The following RGL3 variants were observed in gnomAD, a reference collection of about 807,000 sequenced individuals.
RGL3 encodes ral guanine nucleotide dissociation stimulator-like 3.
In RGL3, 85 loss-of-function variants were observed where a neutral mutation model predicts 90.6. The observed-to-expected ratio is 0.94, with a 90% confidence interval of 0.79 to 1.12. The LOEUF (loss-of-function observed/expected upper bound fraction) is 1.12, where lower values mean the gene tolerates loss of function less well. Among genes scored for constraint, RGL3 ranks in the 50% most tolerant of loss-of-function variants. The pLI, the probability that RGL3 is intolerant of heterozygous loss-of-function variation, is 0.00. For missense variants in RGL3, 1,034 were observed against 939.2 expected, an observed-to-expected ratio of 1.10 and a Z score of -1.32; for synonymous variants, 408 against 385.5, an observed-to-expected ratio of 1.06 and a Z score of -0.68.
chr19:11,405,019 G>T, intron 9 of RGL3, 128 bp downstream of exon 9: 1 of 799,092 alleles, frequency 1.3e-6, no homozygotes, highest in Non-Finnish European at 2.2e-6. Flanking sequence ...ACAAGGATAA[G>T]GTCATTGCTG....
chr19:11,406,309 C>T, intron 7 of RGL3, 110 bp downstream of exon 7: 2 of 1,137,598 alleles, frequency 1.8e-6, no homozygotes, highest in East Asian at 5.2e-5. Context: ...CAACTTTCCA[C>T]CCCGTTCCCT....
At chr19:11,413,487 AT>A (rs1968906224) in intron 5 of RGL3, among the ~76,000 whole-genome samples, 1 of 138,228 alleles carries the variant, frequency 7.2e-6, no homozygotes, top group African/African-American at 2.7e-5. Flanking sequence ...GTGTGCCGAG[AT>A]GGCGCCACTG....
At chr19:11,415,892 A>G in intron 5 of RGL3, 45 bp downstream of exon 5, 1 of 1,511,456 alleles carries the variant, frequency 6.6e-7, no homozygotes, top group Non-Finnish European at 9.0e-7. Context: ...AGAAGCAGAC[A>G]GGAAAGGCCT....
chr19:11,397,085 T>C (rs1968586786), intron 18 of RGL3, among the ~76,000 whole-genome samples, 159 bp downstream of exon 18: 1 of 152,122 alleles, frequency 6.6e-6, no homozygotes. Flanking sequence ...AGGTATTTTA[T>C]GTCCTCTTAC....
intron 16 of RGL3, among the ~76,000 whole-genome samples, chr19:11,398,597 C>T (rs770173281): frequency 2.0e-5 from 3 of 152,132 alleles, no homozygotes; most frequent in South Asian, 4.1e-4. Context: ...CCACTGGCCT[C>T]GGCCTCCCAA....
Position 11,405,394 on chromosome 19 carries a change from C to G in RGL3, c.1029G>C (p.Leu343Phe). ...RCRELRNFSS[L>F]RAILSALQSN... ...ATTGCAGGGCGGACAGGATGGCGCG[C>G]AAGGAGGAGAAGTTCCGCAGTTCTC... Residue 343 changes from leucine to phenylalanine, a missense_variant, in exon 8 of 19, where the codon TTG becomes TTC. Leu to Phe is a conservative substitution (Grantham distance 22, BLOSUM62 0). Transcript: ENST00000380456. 1 of 1,600,146 alleles carries G rather than the reference C, an allele frequency of 6.2e-7. No homozygotes were observed. Among genetic ancestry groups the G allele is most frequent in the Non-Finnish European group, 8.5e-7 (1 of 1,174,466 alleles).
chr19:11,405,945 G>T (rs890140161), intron 7 of RGL3, among the ~76,000 whole-genome samples: 2 of 150,076 alleles, frequency 1.3e-5, no homozygotes, highest in Non-Finnish European at 3.0e-5. Flanking sequence ...GCCTAGGCTG[G>T]TCTCAAACTC....
At chr19:11,403,336 A>G (rs918400670) in intron 9 of RGL3, among the ~76,000 whole-genome samples, 1 of 146,944 alleles carries the variant, frequency 6.8e-6, no homozygotes, top group Non-Finnish European at 1.5e-5. Flanking sequence ...TGCCCGGCCA[A>G]AAAAATTTTT....
chr19:11,410,143 A>T lies in RGL3; in HGVS notation c.638-3279T>A, dbSNP rs1230487167. Among the ~76,000 whole-genome samples the T allele has an allele frequency of 1.1e-4, 17 of 149,316 alleles. No homozygotes were observed. The South Asian group carries it at 3.4e-3, about 29-fold the overall frequency. On this transcript the variant is annotated intron_variant, in intron 5 of 18. Coordinates refer to ENST00000380456, the MANE Select transcript of RGL3 (RefSeq NM_001035223.4). ...ATATATATTTTTTTATTATTTATTT[A>T]TTTTTTATTTTATTTTATTTTATTT...
chr19:11,402,064 G>A lies in RGL3; in HGVS notation c.1431C>T (p.His477=). 6.3e-7 allele frequency: 1 copy of A among 1,578,364 alleles called. No individual in the cohort carries two copies. Among genetic ancestry groups the A allele is most frequent in the Non-Finnish European group, 8.6e-7 (1 of 1,162,020 alleles). The part of the protein sequence containing the change: ...RRCQSYTLSP[H]PPILAALHAQ... The stretch of plus-strand genomic sequence containing the variant: ...CATGCAGGGCAGCCAGGATGGGCGG[G>A]TGGGGGCTCAGGGTGTAGCTCTGAC... Residue 477 remains histidine, a synonymous_variant, in exon 13 of 19, where the codon CAC becomes CAT. Transcript: ENST00000380456.
intron 3 of RGL3, 80 bp downstream of exon 3, chr19:11,416,756 T>C (rs1969006377): frequency 6.3e-7 from 1 of 1,592,408 alleles, no homozygotes; most frequent in South Asian, 1.1e-5. Flanking sequence ...GTTTCCAGGT[T>C]CCACACCTGA....
intron 1 of RGL3, 26 bp from the exon 2 acceptor site, chr19:11,418,810 AC>A: frequency 6.6e-7 from 1 of 1,523,596 alleles, no homozygotes; most frequent in Non-Finnish European, 8.8e-7. Context: ...GACTCAGGGC[AC>A]CAAAGGGGCA....
intron 16 of RGL3, among the ~76,000 whole-genome samples, chr19:11,399,611 C>T (rs1968635852): frequency 6.6e-6 from 1 of 152,036 alleles, no homozygotes; most frequent in African/African-American, 2.4e-5. Flanking sequence ...CCTAGATGAC[C>T]CATGGGCAAG....
At chr19:11,410,494 C>T (rs903230913) in intron 5 of RGL3, among the ~76,000 whole-genome samples, 4 of 151,746 alleles carry the variant, frequency 2.6e-5, no homozygotes, top group Admixed American at 6.6e-5. Flanking sequence ...CCAGCCTGGG[C>T]GGCGTAGTGA....
At chr19:11,416,203 T>C (rs1343806279) in intron 4 of RGL3, 55 bp from the exon 5 acceptor site, 3 of 1,213,396 alleles carry the variant, frequency 2.5e-6, no homozygotes, top group East Asian at 2.6e-5. Context: ...ACATAGAATA[T>C]GACTCCTGGT....
At chr19:11,409,631 G>T (rs1309276185) in intron 5 of RGL3, among the ~76,000 whole-genome samples, 1 of 152,186 alleles carries the variant, frequency 6.6e-6, no homozygotes. Flanking sequence ...GAAAGTCTGG[G>T]CTTTGTTTTG....
chr19:11,406,966 T>C lies in RGL3; in HGVS notation c.638-102A>G, dbSNP rs536511859. 1.1e-5 allele frequency: 13 copies of C among 1,229,794 alleles called. No homozygotes were observed. The Admixed American group carries it at 2.3e-4, about 21-fold the overall frequency. 76.2% of individuals were successfully genotyped at this position (1,229,794 alleles called of 1,614,324 possible). ...CCTCTCTGAGGCTCACTTTCCTCAT[T>C]TGTAAAACGGAGAGCTCTCTTAAAT... On this transcript the variant is annotated intron_variant, in intron 5 of 18. Transcript: ENST00000380456.
At chr19:11,394,658 C>T (rs1968534066) in intron 18 of RGL3, 138 bp from the exon 19 acceptor site, 5 of 658,188 alleles carry the variant, frequency 7.6e-6, no homozygotes, top group South Asian at 3.5e-5. Context: ...AAGCCAAGCT[C>T]ATTCTGCTGT....
chr19:11,403,136 C>T (rs57641148), intron 9 of RGL3, among the ~76,000 whole-genome samples: 8 of 151,668 alleles, frequency 5.3e-5, no homozygotes, highest in East Asian at 2.0e-4. Flanking sequence ...CCGGGGTTCA[C>T]GCCATTCTCC....
Sources: allele counts gnomAD v4.1 joint callset (sites outside exome capture counted in the v4.1 genomes callset), GRCh38; gene constraint gnomAD v4.1.1; transcripts MANE v1.5; gene names NCBI Gene and HGNC (gene_info 2026-07-23, HGNC 2026-07-21).